KDM4B: variants seen among roughly 807,000 people sequenced by gnomAD.
The protein encoded by KDM4B is lysine-specific demethylase 4B.
Under a neutral mutation model 125.2 loss-of-function variants are expected in KDM4B, and 32 were observed. That is an observed-to-expected ratio of 0.26 (90% CI 0.19 to 0.34). The LOEUF is 0.34. Ranked by LOEUF, KDM4B falls within the 10% of genes least tolerant of loss-of-function variation. The probability of loss-of-function intolerance (pLI) is 1.00; values close to 1 mark genes in which losing one functional copy is unlikely to be tolerated. For missense variants in KDM4B, 1,190 were observed against 1,577.7 expected (o/e 0.75, Z 4.16); for synonymous variants, 721 against 677.9 (o/e 1.06, Z -0.99).
intron 9 of KDM4B, among the ~76,000 whole-genome samples, chr19:5,090,837 T>C (rs927684223): frequency 6.6e-6 from 1 of 151,338 alleles, no homozygotes; most frequent in East Asian, 2.0e-4. Context: ...CGATGGGGCA[T>C]CTGGGAGCCC....
chr19:5,014,622 G>T (rs1293989609), intron 1 of KDM4B, among the ~76,000 whole-genome samples: 3 of 152,080 alleles, frequency 2.0e-5, no homozygotes, highest in Admixed American at 1.3e-4. Flanking sequence ...TGTTGGCCAG[G>T]CTGTTGAGAC....
intron 4 of KDM4B, 29 bp downstream of exon 4, chr19:5,040,040 C>T (rs1157538229): frequency 1.8e-5 from 29 of 1,582,954 alleles, no homozygotes; most frequent in Non-Finnish European, 2.5e-5. Context: ...GCGGACCTGA[C>T]CCCCGCCCCC....
intron 9 of KDM4B, among the ~76,000 whole-genome samples, chr19:5,090,397 TCTCTCTCTCTCCCC>T (rs1378060117): frequency 3.6e-5 from 1 of 27,930 alleles, no homozygotes. Context: ...TCTCCCCCTC[TCTCTCTCTCTCCCC>T]CTCTCCCCCT....
intron 4 of KDM4B, among the ~76,000 whole-genome samples, 192 bp from the exon 5 acceptor site, chr19:5,040,945 C>T (rs879339991): frequency 6.6e-6 from 1 of 152,220 alleles, no homozygotes; most frequent in Non-Finnish European, 1.5e-5. Flanking sequence ...GGGTTTGGGC[C>T]ACTGCTCGCC....
At chr19:5,023,048 C>T (rs1311508503) in intron 2 of KDM4B, among the ~76,000 whole-genome samples, 1 of 152,070 alleles carries the variant, frequency 6.6e-6, no homozygotes, top group African/African-American at 2.4e-5. Flanking sequence ...GCGGGTGGGA[C>T]TGAGTGAAGG....
At chr19:5,048,364 G>A (rs1232680436) in intron 6 of KDM4B, among the ~76,000 whole-genome samples, 3 of 152,226 alleles carry the variant, frequency 2.0e-5, no homozygotes, top group Non-Finnish European at 2.9e-5. Flanking sequence ...GCGTGTGTGT[G>A]CCCCTGTGTC....
intron 21 of KDM4B, among the ~76,000 whole-genome samples, chr19:5,146,975 T>G (rs1599277687): frequency 7.1e-6 from 1 of 141,246 alleles, no homozygotes; most frequent in African/African-American, 2.6e-5. Flanking sequence ...AAAACTCTGC[T>G]GGGAAGCATT....
intron 3 of KDM4B, among the ~76,000 whole-genome samples, chr19:5,038,636 G>T (rs73542580): frequency 1.3e-4 from 20 of 152,228 alleles, no homozygotes; most frequent in Non-Finnish European, 2.4e-4. Context: ...CCACGTGGCC[G>T]CCAGGCTAGA....
chr19:5,026,508 C>T (rs1264559122), intron 2 of KDM4B, among the ~76,000 whole-genome samples: 3 of 152,126 alleles, frequency 2.0e-5, no homozygotes, highest in African/African-American at 4.8e-5. Flanking sequence ...AACTCTTGCT[C>T]GCCCCTCTGT....
intron 1 of KDM4B, among the ~76,000 whole-genome samples, chr19:5,012,815 G>A (rs1251408291): frequency 1.3e-5 from 2 of 152,216 alleles, no homozygotes; most frequent in South Asian, 4.1e-4. Context: ...AGCTGCAGGG[G>A]TTCATCATCC....
intron 6 of KDM4B, among the ~76,000 whole-genome samples, chr19:5,058,219 G>A (rs1321459202): frequency 6.6e-6 from 1 of 152,120 alleles, no homozygotes; most frequent in African/African-American, 2.4e-5. Flanking sequence ...TTGAAGAGAT[G>A]GATCTGCCCA....
At chr19:5,117,981 C>G (rs982056442) in intron 10 of KDM4B, among the ~76,000 whole-genome samples, 11 of 151,984 alleles carry the variant, frequency 7.2e-5, no homozygotes, top group African/African-American at 2.7e-4. Flanking sequence ...AGGAGGCGCC[C>G]CAGAAGCCAG....
At chr19:5,008,591 CTTTT>C (rs550611814) in intron 1 of KDM4B, among the ~76,000 whole-genome samples, 5 of 135,538 alleles carry the variant, frequency 3.7e-5, no homozygotes, top group African/African-American at 5.4e-5. Context: ...TTTTCTTTTT[CTTTT>C]TTTTTTTTTT....
chr19:5,122,829 G>A (rs1034394586), intron 11 of KDM4B, among the ~76,000 whole-genome samples: 1 of 152,216 alleles, frequency 6.6e-6, no homozygotes, highest in African/African-American at 2.4e-5. Context: ...TGTGCTCCTC[G>A]GACCACCAGA....
At chr19:5,149,321 A>T (rs1379294336) in intron 21 of KDM4B, among the ~76,000 whole-genome samples, 3 of 152,312 alleles carry the variant, frequency 2.0e-5, no homozygotes, top group Non-Finnish European at 4.4e-5. Flanking sequence ...CTTCTGTGAC[A>T]GTCTTATGTG....
chr19:5,107,707 G>C (rs1490006568), intron 9 of KDM4B, among the ~76,000 whole-genome samples: 1 of 152,184 alleles, frequency 6.6e-6, no homozygotes, highest in African/African-American at 2.4e-5. Flanking sequence ...GGCTCGCAGT[G>C]GGGGCTGGGC....
intron 1 of KDM4B, among the ~76,000 whole-genome samples, chr19:4,978,357 CTT>C (rs2034521419): frequency 6.6e-6 from 1 of 151,486 alleles, no homozygotes; most frequent in African/African-American, 2.4e-5. Context: ...AAATGCAAAA[CTT>C]AGCCGGGCGC....
intron 14 of KDM4B, among the ~76,000 whole-genome samples, chr19:5,134,607 C>A (rs1472777513): frequency 1.3e-5 from 2 of 152,214 alleles, no homozygotes; most frequent in Non-Finnish European, 2.9e-5. Context: ...TTAGATCCCC[C>A]CTTCTCTCTT....
At chr19:5,001,762 C>G (rs1179384849) in intron 1 of KDM4B, among the ~76,000 whole-genome samples, 1 of 152,182 alleles carries the variant, frequency 6.6e-6, no homozygotes, top group Non-Finnish European at 1.5e-5. Flanking sequence ...ACTTGCCAAT[C>G]CCAGTGCTGA....
Sources: gnomAD v4.1 joint callset for allele counts (sites outside exome capture counted in the v4.1 genomes callset) on GRCh38, gnomAD v4.1.1 for gene constraint, MANE v1.5 for transcripts, NCBI Gene and HGNC (gene_info 2026-07-23, HGNC 2026-07-21) for gene names.